OPHN1: variants seen among roughly 807,000 people sequenced by gnomAD.
The protein encoded by OPHN1 is oligophrenin-1.
In OPHN1, 11 loss-of-function variants were observed where a neutral mutation model predicts 60.7. The ratio of observed to expected loss-of-function variants is 0.18; its 90% CI spans 0.11 to 0.30. OPHN1 has a LOEUF of 0.30. Among genes scored for constraint, OPHN1 ranks in the 10% least tolerant of loss-of-function variants. OPHN1 has a pLI of 1.00. For synonymous variants in OPHN1, 226 were observed against 222.6 expected (o/e 1.02, Z -0.14); for missense variants, 449 against 611.0 (o/e 0.73, Z 2.80).
chrX:68,270,064 G>C (rs1407845680), intron 5 of OPHN1, among the ~76,000 whole-genome samples: 1 of 110,980 alleles, frequency 9.0e-6, no homozygotes, highest in African/African-American at 3.3e-5. Flanking sequence ...AGTTAGAATG[G>C]CAATCATTAA....
At chrX:68,397,481 CTGTTA>C (rs2078690988) in intron 2 of OPHN1, among the ~76,000 whole-genome samples, 1 of 66,917 alleles carries the variant, frequency 1.5e-5, no homozygotes, top group African/African-American at 5.6e-5. Flanking sequence ...TTTTTTTGGT[CTGTTA>C]TGTTAGGTTG....
chrX:68,047,704 T>C (rs890525984), intron 24 of OPHN1, among the ~76,000 whole-genome samples: 3 of 111,907 alleles, frequency 2.7e-5, no homozygotes, highest in Non-Finnish European at 5.6e-5. Flanking sequence ...TCAGAACTCC[T>C]ATGATAGAGA....
At chrX:68,376,286 G>C (rs1451148248) in intron 2 of OPHN1, among the ~76,000 whole-genome samples, 1 of 111,799 alleles carries the variant, frequency 8.9e-6, no homozygotes, top group Non-Finnish European at 1.9e-5. Context: ...TTGGACAGCA[G>C]AAAGATCAGA....
chrX:68,246,392 G>A (rs1028109477), intron 5 of OPHN1, among the ~76,000 whole-genome samples: 2 of 111,738 alleles, frequency 1.8e-5, no homozygotes, highest in South Asian at 3.7e-4. Context: ...AATACAAGGA[G>A]TGGGATAAAA....
At position 68,336,805 on chromosome X, in the gene OPHN1, G is replaced by A. The variant is rs758098116; in HGVS notation, c.155-37709C>T. Among the ~76,000 whole-genome samples the A allele has an allele frequency of 5.4e-5, 6 of 110,207 alleles. No individual in the cohort carries two copies. The South Asian group carries it at 2.3e-3, about 43-fold the overall frequency. ...GTGGTGGCTCATGCCTGTAATCCCA[G>A]TACTTTGGGAGACCGAGGTGGGAGG... On this transcript the variant is annotated intron_variant, in intron 2 of 24. Coordinates refer to ENST00000355520, the MANE Select transcript of OPHN1 (RefSeq NM_002547.3).
At chrX:68,422,862 AAAAAG>A (rs1213962588) in intron 2 of OPHN1, among the ~76,000 whole-genome samples, 85 of 110,235 alleles carry the variant, frequency 7.7e-4, no homozygotes, top group African/African-American at 1.7e-3. Flanking sequence ...AAAGAAAAGA[AAAAAG>A]AAAAGAAAAG....
intron 2 of OPHN1, among the ~76,000 whole-genome samples, chrX:68,398,960 AGTGTGTGTGTGT>A (rs113103699): frequency 1.1e-5 from 1 of 95,218 alleles, no homozygotes; most frequent in South Asian, 5.4e-4. Context: ...AAACAAAAAA[AGTGTGTGTGTGT>A]GTGTGTGTGT....
At chrX:68,141,227 G>A (rs1417446878) in intron 15 of OPHN1, among the ~76,000 whole-genome samples, 2 of 112,025 alleles carry the variant, frequency 1.8e-5, no homozygotes, top group African/African-American at 6.5e-5. Flanking sequence ...AGGACTACAT[G>A]CAAACAAAAC....
chrX:68,358,534 A>C (rs780862699), intron 2 of OPHN1, among the ~76,000 whole-genome samples: 1 of 111,567 alleles, frequency 9.0e-6, no homozygotes, highest in East Asian at 2.8e-4. Context: ...CTTGAGGTCC[A>C]TTTGATTCTT....
intron 6 of OPHN1, among the ~76,000 whole-genome samples, chrX:68,229,146 T>A (rs2077713580): frequency 9.0e-6 from 1 of 110,943 alleles, no homozygotes; most frequent in Admixed American, 9.6e-5. Context: ...AAATCATGAG[T>A]GAACTCCCAT....
intron 2 of OPHN1, among the ~76,000 whole-genome samples, chrX:68,394,160 G>A (rs2078671613): frequency 1.8e-5 from 2 of 110,678 alleles, no homozygotes; most frequent in African/African-American, 6.5e-5. Flanking sequence ...CTCCCAAAGT[G>A]CTGGGATTAC....
intron 15 of OPHN1, among the ~76,000 whole-genome samples, chrX:68,129,494 A>G (rs1407524892): frequency 2.7e-5 from 3 of 112,145 alleles, no homozygotes; most frequent in Non-Finnish European, 5.6e-5. Flanking sequence ...TTGTGGAATT[A>G]CTGTCTAAAT....
At chrX:68,358,126 A>C (rs1388416927) in intron 2 of OPHN1, among the ~76,000 whole-genome samples, 1 of 103,060 alleles carries the variant, frequency 9.7e-6, no homozygotes, top group African/African-American at 3.6e-5. Flanking sequence ...CCCCATCTCT[A>C]CTAAAAAAAA....
chrX:68,432,854 G>A lies in OPHN1; in HGVS notation c.154+13C>T. 1 of 1,210,555 alleles carries A rather than the reference G, an allele frequency of 8.3e-7. No individual in the cohort carries two copies. The highest frequency in any genetic ancestry group is 1.8e-5 in the South Asian group (1 of 56,996). ...CAGCTCAGAGAAACAGCTCATCGAA[G>A]CCTTGCACTTACTTCTCATAGCGCT... On this transcript the variant is annotated intron_variant, in intron 2 of 24. Coordinates refer to ENST00000355520, the MANE Select transcript of OPHN1 (RefSeq NM_002547.3).
At chrX:68,135,806 G>C (rs1183564799) in intron 15 of OPHN1, among the ~76,000 whole-genome samples, 1 of 111,900 alleles carries the variant, frequency 8.9e-6, no homozygotes, top group African/African-American at 3.3e-5. Flanking sequence ...TGAGAGAGTA[G>C]AAGAAACTGA....
intron 21 of OPHN1, among the ~76,000 whole-genome samples, chrX:68,056,361 T>C (rs368364811): frequency 8.9e-6 from 1 of 111,993 alleles, no homozygotes. Flanking sequence ...GAAGTTCTTA[T>C]ATATTAATAT....
intron 2 of OPHN1, among the ~76,000 whole-genome samples, chrX:68,307,697 C>T (rs922026708): frequency 9.0e-6 from 1 of 110,873 alleles, no homozygotes; most frequent in African/African-American, 3.3e-5. Flanking sequence ...AACTACAATG[C>T]AACATGTATA....
At chrX:68,054,557 C>CA (rs986700594) in intron 21 of OPHN1, among the ~76,000 whole-genome samples, 10 of 105,461 alleles carry the variant, frequency 9.5e-5, no homozygotes, top group African/African-American at 1.4e-4. Flanking sequence ...ATCCAAGAGG[C>CA]AAAAAAACAA....
intron 15 of OPHN1, among the ~76,000 whole-genome samples, chrX:68,128,401 C>T (rs1429353378): frequency 9.0e-6 from 1 of 110,952 alleles, no homozygotes; most frequent in Admixed American, 9.6e-5. Context: ...GTTAAAATTC[C>T]TGGTCAGTGA....
Sources: allele counts gnomAD v4.1 joint callset (sites outside exome capture counted in the v4.1 genomes callset), GRCh38; gene constraint gnomAD v4.1.1; transcripts MANE v1.5; gene names NCBI Gene and HGNC (gene_info 2026-07-23, HGNC 2026-07-21).